SH3GL1: variants seen among roughly 807,000 people sequenced by gnomAD.
SH3GL1 encodes the protein SH3 domain containing GRB2 like 1, endophilin A2, also known as endophilin-A2.
A neutral mutation model predicts 48.8 loss-of-function variants in SH3GL1; 21 were observed. The observed-to-expected ratio is 0.43, with a 90% CI of 0.30 to 0.62. The LOEUF is 0.62. Among genes scored for constraint, SH3GL1 ranks in the 20% least tolerant of loss-of-function variants. The pLI is 0.11. For synonymous variants in SH3GL1, 282 were observed against 217.5 expected, an observed-to-expected ratio of 1.30 and a Z score of -2.61; for missense variants, 454 against 503.0, an observed-to-expected ratio of 0.90 and a Z score of 0.93.
Position 4,363,352 on chromosome 19 carries a change from C to A in SH3GL1, c.728+18G>T, listed in dbSNP as rs1395474964. 6.4e-7 allele frequency: 1 copy of A among 1,574,766 alleles called. No individual in the cohort carries two copies. The highest frequency in any genetic ancestry group is 1.8e-5 in the Admixed American group (1 of 55,274). ...CATGGCAGCCCAGACTCTGGAGAGA[C>A]CAAGGCCCTGGGCTCACCTGCGCTT... On this transcript the variant is annotated intron_variant, in intron 7 of 9. Transcript: ENST00000269886.
chr19:4,388,883 G>A (rs1973283960), intron 1 of SH3GL1, among the ~76,000 whole-genome samples: 1 of 152,222 alleles, frequency 6.6e-6, no homozygotes, highest in Admixed American at 6.5e-5. Flanking sequence ...TGCAGCCCTG[G>A]AGCTGGACAC....
rs1278385827 is a variant in SH3GL1, at chr19:4,365,394, A to T, written c.331+88T>A. On this transcript the variant is annotated intron_variant, in intron 4 of 9. Transcript: ENST00000269886. ...GGGCCACTGTACGTCCCCGGCACTC[A>T]GCACATGCAGGGCCTGGACCTGCCC... is the stretch of plus-strand genomic sequence containing the variant. 5.1e-6 allele frequency: 8 copies of T among 1,554,584 alleles called. No individual in the cohort carries two copies. In the South Asian group the frequency reaches 6.7e-5, roughly 13 times the overall value.
At chr19:4,362,871 A>G (rs1487654844) in intron 7 of SH3GL1, 135 bp from the exon 8 acceptor site, 27 of 1,375,592 alleles carry the variant, frequency 2.0e-5, no homozygotes, top group Non-Finnish European at 2.7e-5. Context: ...TGACACATGG[A>G]CCCTGGGACA....
At chr19:4,369,046 T>C (rs1301036938) in intron 1 of SH3GL1, among the ~76,000 whole-genome samples, 4 of 151,806 alleles carry the variant, frequency 2.6e-5, no homozygotes, top group Non-Finnish European at 5.9e-5. Context: ...CACTCCAGCC[T>C]AGGCGACAGA....
rs1568424728 is a variant in SH3GL1 at position 4,400,107 on chromosome 19, A to AG, written c.45+216dup. Among the ~76,000 whole-genome samples the AG allele has an allele frequency of 6.6e-6, 1 of 151,936 alleles. No individual in the cohort carries two copies. Among genetic ancestry groups the AG allele is most frequent in the African/African-American group, 2.4e-5 (1 of 41,374 alleles). On this transcript the variant is annotated intron_variant, in intron 1 of 9. Transcript: ENST00000269886. This position sits in a 1 kb window ranked among gnomAD's most constrained non-coding sequence, Gnocchi z 4.1. ...CCCAGGGTGCCTCTCCCCTCCTCCC[A>AG]GGGGCTCTGTCCCCGCTTCTGGAGC...
intron 9 of SH3GL1, among the ~76,000 whole-genome samples, chr19:4,362,036 C>T (rs1243871248): frequency 6.6e-6 from 1 of 152,214 alleles, no homozygotes; most frequent in Admixed American, 6.5e-5. Flanking sequence ...GTGCTGGGGA[C>T]ACCCGGTGCT....
At chr19:4,366,806 C>T in intron 2 of SH3GL1, 120 bp downstream of exon 2, 1 of 1,054,964 alleles carries the variant, frequency 9.5e-7, no homozygotes, top group Non-Finnish European at 1.5e-6. Flanking sequence ...TCTCTCCACA[C>T]CTGCCGGGCC....
chr19:4,362,763 C>A (rs372233351), intron 7 of SH3GL1, 27 bp from the exon 8 acceptor site: 13 of 1,613,136 alleles, frequency 8.1e-6, no homozygotes, highest in South Asian at 1.1e-5. Flanking sequence ...GTGAGTGGAC[C>A]GAGCCCGTGT....
Position 4,363,383 on chromosome 19 carries a change from T to G in SH3GL1, c.715A>C (p.Lys239Gln). ...AVQILDELAE[K>Q]LKRRMREASS... ...CCCTGGGCTCACCTGCGCTTGAGCT[T>G]CTCCGCCAGCTCGTCCAGGATCTGC... The change falls in exon 7 of 10, where the codon AAG becomes CAG. Residue 239 changes from lysine (K) to glutamine (Q), a missense_variant. Around this residue, in one of 2 missense-constraint regions of SH3GL1, gnomAD observed 278 missense variants for 246.8 expected, o/e 1.13. Coordinates refer to ENST00000269886, the MANE Select transcript of SH3GL1 (RefSeq NM_003025.4). 6.2e-7 allele frequency: 1 copy of G among 1,605,844 alleles called. No individual in the cohort carries two copies. Among genetic ancestry groups the G allele is most frequent in the South Asian group, 1.1e-5 (1 of 89,606 alleles).
chr19:4,398,668 C>T (rs144347173), intron 1 of SH3GL1, among the ~76,000 whole-genome samples: 72 of 152,268 alleles, frequency 4.7e-4, no homozygotes, highest in African/African-American at 1.3e-3. Context: ...CCACCGCGCC[C>T]GGCCAAATTT....
Position 4,365,444 on chromosome 19 carries a change from A to C in SH3GL1, c.331+38T>G, listed in dbSNP as rs370909006. 178 of 1,611,978 alleles carry C rather than the reference A, an allele frequency of 1.1e-4. 1 individual carries two copies. In the African/African-American group the frequency reaches 2.3e-3, roughly 21 times the overall value. On this transcript the variant is annotated intron_variant, in intron 4 of 9. Transcript: ENST00000269886. ...CTGCCTGTGTTGAGGTGTGGCCTCC[A>C]GGGACGGTGGGCGTGGCTTCCAGAG...
intron 6 of SH3GL1, 72 bp downstream of exon 6, chr19:4,363,648 C>T (rs1972688807): frequency 1.9e-6 from 3 of 1,584,302 alleles, no homozygotes; most frequent in Non-Finnish European, 2.6e-6. Context: ...TGTCCTCCAG[C>T]TCCCTTGAGG....
At chr19:4,375,676 C>T (rs243401) in intron 1 of SH3GL1, among the ~76,000 whole-genome samples, 2,305 of 152,364 alleles carry the variant, frequency 0.015, 33 homozygotes, top group South Asian at 0.043. Flanking sequence ...AAATCAGCCT[C>T]ATGCATCATG....
At position 4,376,008 on chromosome 19, in the gene SH3GL1, C is replaced by T. The variant is rs1396094051; in HGVS notation, c.46-9014G>A. Among the ~76,000 whole-genome samples, 1 of 152,218 alleles carries T rather than the reference C, an allele frequency of 6.6e-6. No individual in the cohort carries two copies. Among genetic ancestry groups the T allele is most frequent in the African/African-American group, 2.4e-5 (1 of 41,436 alleles). ...CTCCTCAAAAGGAGCTGAGGCAATG[C>T]ATAGCCCTGCAGGAAGAGACTGGAA... On this transcript the variant is annotated intron_variant, in intron 1 of 9. Transcript: ENST00000269886. This position sits in a 1 kb window ranked among gnomAD's most constrained non-coding sequence, Gnocchi z 4.3.
chr19:4,373,702 G>C (rs985733574), intron 1 of SH3GL1, among the ~76,000 whole-genome samples: 1 of 152,160 alleles, frequency 6.6e-6, no homozygotes, highest in Non-Finnish European at 1.5e-5. Context: ...GCTGGCAACC[G>C]AGATACCGGC....
In SH3GL1 at chr19:4,376,475, C is replaced by T. The variant is rs898180600; in HGVS notation, c.46-9481G>A. Among the ~76,000 whole-genome samples, 11 of 152,164 alleles carry T rather than the reference C, an allele frequency of 7.2e-5. No homozygotes were observed. Among genetic ancestry groups the T allele is most frequent in the Admixed American group, 6.5e-5 (1 of 15,280 alleles). ...GCTTGCCTCTCCCGTGTCCTATCCGCCCAGACCTCAGACCTCAGAGAAGCC... is the reference window on the plus strand; with the variant it reads ...GCTTGCCTCTCCCGTGTCCTATCCGTCCAGACCTCAGACCTCAGAGAAGCC... On this transcript the variant is annotated intron_variant, in intron 1 of 9. Transcript: ENST00000269886. This position sits in a 1 kb window ranked among gnomAD's most constrained non-coding sequence, Gnocchi z 4.3.
intron 1 of SH3GL1, among the ~76,000 whole-genome samples, chr19:4,372,568 G>T (rs1334704197): frequency 6.6e-6 from 1 of 152,210 alleles, no homozygotes; most frequent in Non-Finnish European, 1.5e-5. Context: ...GACGTGGGAA[G>T]AGGGCAGGGG....
chr19:4,371,848 G>A (rs1348598758), intron 1 of SH3GL1, among the ~76,000 whole-genome samples: 1 of 152,228 alleles, frequency 6.6e-6, no homozygotes, highest in African/African-American at 2.4e-5. Flanking sequence ...GTCCCTCCCT[G>A]CAGTCCTCCT....
intron 1 of SH3GL1, among the ~76,000 whole-genome samples, chr19:4,396,857 T>G (rs940825497): frequency 1.3e-5 from 2 of 152,222 alleles, no homozygotes; most frequent in African/African-American, 4.8e-5. Context: ...CAATGTCCCC[T>G]GGAGGACAGA....
Sources: gnomAD v4.1 joint callset for allele counts (sites outside exome capture counted in the v4.1 genomes callset) on GRCh38, gnomAD v4.1.1 for gene constraint, gnomAD v4.1.1 regional missense constraint, Gnocchi (gnomAD v3.1) non-coding constraint, MANE v1.5 for transcripts, NCBI Gene and HGNC (gene_info 2026-07-23, HGNC 2026-07-21) for gene names.